KCNQ1OT1: variants seen among roughly 807,000 people sequenced by gnomAD.
KCNQ1OT1 encodes the protein KCNQ1 opposite strand/antisense transcript 1.
At position 2,672,984 on chromosome 11, in the gene KCNQ1OT1, C is replaced by A. The variant is rs1850214010; in HGVS notation, n.27011G>T. 6 of 398,708 alleles carry A rather than the reference C, an allele frequency of 1.5e-5. No individual in the cohort carries two copies. The East Asian group carries it at 2.1e-4, about 14-fold the overall frequency. 24.7% of individuals were successfully genotyped at this position (398,708 alleles called of 1,614,324 possible). A position where few individuals can be genotyped will look rare whatever the true frequency, so the allele number is the denominator to read the frequency against. ...CCAGCTGAGTCCCCTGCAGGCCTTG[C>A]CTAAAGGAGAAGCCAGTGAATCAAT... is the stretch of plus-strand genomic sequence containing the variant. On this transcript the variant is annotated non_coding_transcript_exon_variant, in exon 1 of 1. Transcript: ENST00000597346.
Position 2,624,783 on chromosome 11 carries a change from T to C in KCNQ1OT1, n.75212A>G, listed in dbSNP as rs765074204. Reference sequence around the variant, plus strand: ...ATCTCTTGGAAACCACCTTGTACTTTCTATGTCTCTGATTTGACTATTCTA... The same window carrying C: ...ATCTCTTGGAAACCACCTTGTACTTCCTATGTCTCTGATTTGACTATTCTA... On this transcript the variant is annotated non_coding_transcript_exon_variant, in exon 1 of 1. Transcript: ENST00000597346. The surrounding 1 kb of genome is among the most constrained non-coding windows in gnomAD (Gnocchi z 4.9). 1.0e-5 allele frequency: 4 copies of C among 398,446 alleles called. No homozygotes were observed. Among genetic ancestry groups the C allele is most frequent in the African/African-American group, 8.2e-5 (4 of 48,642 alleles). The allele number at this position is 398,446 out of a possible 1,614,324, so 24.7% of individuals were successfully genotyped here. A position where few individuals can be genotyped will look rare whatever the true frequency, so the allele number is the denominator to read the frequency against.
At chr11:2,632,203 AG>A (rs1849369057) in exon 1 of KCNQ1OT1, 6 of 397,372 alleles carry the variant, frequency 1.5e-5, no homozygotes, top group South Asian at 1.3e-4. Context: ...AAAAAAAAAA[AG>A]AAATGCAACT....
At position 2,621,780 on chromosome 11, in the gene KCNQ1OT1, G is replaced by A; in HGVS notation, n.78215C>T. 2 of 398,182 alleles carry A rather than the reference G, an allele frequency of 5.0e-6. No individual in the cohort carries two copies. Among genetic ancestry groups the A allele is most frequent in the Admixed American group, 8.8e-5 (2 of 22,716 alleles). 24.7% of individuals were successfully genotyped at this position (398,182 alleles called of 1,614,324 possible). On this transcript the variant is annotated non_coding_transcript_exon_variant, in exon 1 of 1. Transcript: ENST00000597346. The surrounding 1 kb of genome is among the most constrained non-coding windows in gnomAD (Gnocchi z 5.7). ...GTCCTCTTTCTTAGTCCAAGAGTTT[G>A]TTGATTTTATTTTTCAAAAATCAAT... is the stretch of plus-strand genomic sequence containing the variant.
exon 1 of KCNQ1OT1, chr11:2,655,222 C>G (rs953602568): frequency 7.5e-6 from 3 of 398,638 alleles, no homozygotes; most frequent in Non-Finnish European, 1.3e-5. Flanking sequence ...GTAGTCGCCA[C>G]GCCCGAGGCT....
rs79680256 is a variant in KCNQ1OT1, at chr11:2,648,782, A to G, written n.51213T>C. On this transcript the variant is annotated non_coding_transcript_exon_variant, in exon 1 of 1. Transcript: ENST00000597346. Reference sequence around the variant, plus strand: ...TGTTGATATTTTTCCATCCAAATGAATTGTCCAATGCTGAGTATGAAATGT... The same window carrying G: ...TGTTGATATTTTTCCATCCAAATGAGTTGTCCAATGCTGAGTATGAAATGT... 3.7e-3 allele frequency: 1,458 copies of G among 398,456 alleles called. 4 individuals carry two copies. Among genetic ancestry groups the G allele is most frequent in the Non-Finnish European group, 5.2e-3 (1,168 of 226,004 alleles). The allele number at this position is 398,456 out of a possible 1,614,324, so 24.7% of individuals were successfully genotyped here.
chr11:2,633,222 A>G (rs1221923073), exon 1 of KCNQ1OT1: 2 of 398,376 alleles, frequency 5.0e-6, no homozygotes, highest in Non-Finnish European at 4.4e-6. Context: ...GCACATTTCT[A>G]AATCAGATAA....
rs1850517300 is a variant in KCNQ1OT1, at chr11:2,687,830, C to G, written n.12165G>C. On this transcript the variant is annotated non_coding_transcript_exon_variant, in exon 1 of 1. Transcript: ENST00000597346. The surrounding 1 kb of genome is among the most constrained non-coding windows in gnomAD (Gnocchi z 5.0). Reference sequence around the variant, plus strand: ...CCCCCTCCTCTGCCCCAACTGGCTCCAGGCCAAACTCTGGTTCCTGAGGAG... The same window carrying G: ...CCCCCTCCTCTGCCCCAACTGGCTCGAGGCCAAACTCTGGTTCCTGAGGAG... 5.0e-6 allele frequency: 2 copies of G among 398,596 alleles called. No individual in the cohort carries two copies. Among genetic ancestry groups the G allele is most frequent in the Non-Finnish European group, 8.8e-6 (2 of 226,140 alleles). 24.7% of individuals were successfully genotyped at this position (398,596 alleles called of 1,614,324 possible).
Position 2,673,072 on chromosome 11 carries a change from A to G in KCNQ1OT1, n.26923T>C, listed in dbSNP as rs969757804. 6 of 398,708 alleles carry G rather than the reference A, an allele frequency of 1.5e-5. No homozygotes were observed. Among genetic ancestry groups the G allele is most frequent in the Admixed American group, 4.4e-5 (1 of 22,726 alleles). The allele number at this position is 398,708 out of a possible 1,614,324, so 24.7% of individuals were successfully genotyped here. A position where few individuals can be genotyped will look rare whatever the true frequency, so the allele number is the denominator to read the frequency against. ...AAAGGGACAGTGAAGTTGGCTTCTC[A>G]GGCCACAGTAGGCCTTCACGGTACT... On this transcript the variant is annotated non_coding_transcript_exon_variant, in exon 1 of 1. Coordinates refer to ENST00000597346, the Ensembl canonical transcript of KCNQ1OT1. This position sits in a 1 kb window ranked among gnomAD's most constrained non-coding sequence, Gnocchi z 4.5.
At chr11:2,610,513 T>A (rs1848962763) in exon 1 of KCNQ1OT1, 2 of 398,452 alleles carry the variant, frequency 5.0e-6, no homozygotes, top group Non-Finnish European at 8.8e-6. Flanking sequence ...AGAACAGCTT[T>A]GCTCCTATTT....
At position 2,678,505 on chromosome 11, in the gene KCNQ1OT1, G is replaced by T. The variant is rs567697922; in HGVS notation, n.21490C>A. On this transcript the variant is annotated non_coding_transcript_exon_variant, in exon 1 of 1. Coordinates refer to ENST00000597346, the Ensembl canonical transcript of KCNQ1OT1. This position sits in a 1 kb window ranked among gnomAD's most constrained non-coding sequence, Gnocchi z 4.9. ...CTCATTTAATTTGTGTCCATTTCTA[G>T]ACTCTATTCTGGACTGCTGATGGGC... 54 of 398,480 alleles carry T rather than the reference G, an allele frequency of 1.4e-4. 1 individual carries two copies. The South Asian group carries it at 6.4e-3, about 47-fold the overall frequency. The allele number at this position is 398,480 out of a possible 1,614,324, so 24.7% of individuals were successfully genotyped here. A position where few individuals can be genotyped will look rare whatever the true frequency, so the allele number is the denominator to read the frequency against.
In KCNQ1OT1 at chr11:2,623,486, C is replaced by T. The variant is rs1441698621; in HGVS notation, n.76509G>A. 1 of 398,570 alleles carries T rather than the reference C, an allele frequency of 2.5e-6. No homozygotes were observed. The highest frequency in any genetic ancestry group is 4.4e-5 in the Admixed American group (1 of 22,734). The allele number at this position is 398,570 out of a possible 1,614,324, so 24.7% of individuals were successfully genotyped here. On this transcript the variant is annotated non_coding_transcript_exon_variant, in exon 1 of 1. Coordinates refer to ENST00000597346, the Ensembl canonical transcript of KCNQ1OT1. The surrounding 1 kb of genome is among the most constrained non-coding windows in gnomAD (Gnocchi z 5.2). ...CTTTTTACTGCCTCCATAGCATTGC[C>T]TTTTCTAAAATGCAATATGATTGGA...
rs1271993446 is a variant in KCNQ1OT1, at chr11:2,663,242, A to AAAGCAGGG, written n.36745_36752dup. The AAAGCAGGG allele has an allele frequency of 7.5e-6, 3 of 398,554 alleles. No individual in the cohort carries two copies. Among genetic ancestry groups the AAAGCAGGG allele is most frequent in the Non-Finnish European group, 1.3e-5 (3 of 226,126 alleles). 24.7% of individuals were successfully genotyped at this position (398,554 alleles called of 1,614,324 possible). A position where few individuals can be genotyped will look rare whatever the true frequency, so the allele number is the denominator to read the frequency against. Reference sequence around the variant, plus strand: ...TCCAAGGGAGCCAGCAGATCACTGGAAAGCAGGGGTGACTAGTCATGGACA... The same window carrying AAAGCAGGG: ...TCCAAGGGAGCCAGCAGATCACTGGAAAGCAGGGAAGCAGGGGTGACTAGTCATGGACA... On this transcript the variant is annotated non_coding_transcript_exon_variant, in exon 1 of 1. Coordinates refer to ENST00000597346, the Ensembl canonical transcript of KCNQ1OT1. The surrounding 1 kb of genome is among the most constrained non-coding windows in gnomAD (Gnocchi z 5.2).
chr11:2,635,559 G>T (rs1431456619), exon 1 of KCNQ1OT1: 1 of 152,178 alleles, frequency 6.6e-6, no homozygotes, highest in Non-Finnish European at 1.5e-5. Context: ...TTTGGTACCA[G>T]TACCATGCTG....
At chr11:2,689,062 C>G (rs1483793171) in exon 1 of KCNQ1OT1, 4 of 398,780 alleles carry the variant, frequency 1.0e-5, no homozygotes, top group Non-Finnish European at 1.8e-5. Context: ...TTACCTCCTC[C>G]TCCCCGGTGG....
In KCNQ1OT1 at chr11:2,654,130, A is replaced by G. The variant is rs1849799897; in HGVS notation, n.45865T>C. The G allele has an allele frequency of 7.5e-6, 3 of 398,390 alleles. No individual in the cohort carries two copies. Among genetic ancestry groups the G allele is most frequent in the Admixed American group, 8.8e-5 (2 of 22,700 alleles). The allele number at this position is 398,390 out of a possible 1,614,324, so 24.7% of individuals were successfully genotyped here. On this transcript the variant is annotated non_coding_transcript_exon_variant, in exon 1 of 1. Coordinates refer to ENST00000597346, the Ensembl canonical transcript of KCNQ1OT1. This position sits in a 1 kb window ranked among gnomAD's most constrained non-coding sequence, Gnocchi z 6.4. Reference sequence around the variant, plus strand: ...TGGAGACACAGGTGGTGGCGGGGCCACTCTGGCTCAGGGTCTATGAGCCGG... The same window carrying G: ...TGGAGACACAGGTGGTGGCGGGGCCGCTCTGGCTCAGGGTCTATGAGCCGG...
chr11:2,641,157 G>T (rs891763835), exon 1 of KCNQ1OT1: 2 of 398,350 alleles, frequency 5.0e-6, no homozygotes, highest in South Asian at 1.3e-4. Flanking sequence ...TTAGTATACT[G>T]ATATCTTTTC....
chr11:2,652,185 G>A lies in KCNQ1OT1; in HGVS notation n.47810C>T, dbSNP rs1321426669. The stretch of plus-strand genomic sequence containing the variant: ...GCCTGGGGGTGGGGCCCCAGCAGAT[G>A]TCTGGATTTGGTAGCCAGGGCCTGG... On this transcript the variant is annotated non_coding_transcript_exon_variant, in exon 1 of 1. Transcript: ENST00000597346. This position sits in a 1 kb window ranked among gnomAD's most constrained non-coding sequence, Gnocchi z 5.9. The A allele has an allele frequency of 1.5e-5, 6 of 398,534 alleles. No individual in the cohort carries two copies. The highest frequency in any genetic ancestry group is 2.7e-5 in the Non-Finnish European group (6 of 226,130). The allele number at this position is 398,534 out of a possible 1,614,324, so 24.7% of individuals were successfully genotyped here.
chr11:2,694,946 G>A (rs1040200832), exon 1 of KCNQ1OT1: 1 of 398,636 alleles, frequency 2.5e-6, no homozygotes, highest in African/African-American at 2.1e-5. Context: ...CTTGGGGCAG[G>A]AGGGATACTT....
Position 2,620,447 on chromosome 11 carries a change from C to A in KCNQ1OT1, n.79548G>T. On this transcript the variant is annotated non_coding_transcript_exon_variant, in exon 1 of 1. Coordinates refer to ENST00000597346, the Ensembl canonical transcript of KCNQ1OT1. The surrounding 1 kb of genome is among the most constrained non-coding windows in gnomAD (Gnocchi z 4.5). Reference sequence around the variant, plus strand: ...GTCAGGCTGGTCTCGAACTCCTGACCTCAGGTGATCCACCCGCCTTGGCCT... The same window carrying A: ...GTCAGGCTGGTCTCGAACTCCTGACATCAGGTGATCCACCCGCCTTGGCCT... 1 of 295,082 alleles carries A rather than the reference C, an allele frequency of 3.4e-6. No homozygotes were observed. The highest frequency in any genetic ancestry group is 6.2e-6 in the Non-Finnish European group (1 of 162,308). The allele number at this position is 295,082 out of a possible 1,614,324, so 18.3% of individuals were successfully genotyped here.
Sources: gnomAD v4.1 joint callset for allele counts on GRCh38, gnomAD v4.1.1 for gene constraint, Gnocchi (gnomAD v3.1) non-coding constraint, MANE v1.5 for transcripts, NCBI Gene and HGNC (gene_info 2026-07-23, HGNC 2026-07-21) for gene names.